Variants in FSIP1 observed in about 807,000 individuals in gnomAD.
The protein encoded by FSIP1 is fibrous sheath interacting protein 1.
FSIP1 carries 65 observed loss-of-function variants against 60.9 expected under a neutral mutation model. That is an observed-to-expected ratio of 1.07 (90% CI 0.87 to 1.31). The LOEUF is 1.31. FSIP1 is among the 40% of genes most tolerant of loss of function. The pLI is 0.00. For synonymous variants in FSIP1, 209 were observed against 221.2 expected, an observed-to-expected ratio of 0.94 and a Z score of 0.49; for missense variants, 675 against 665.5, an observed-to-expected ratio of 1.01 and a Z score of -0.16.
chr15:39,626,690 C>T (rs1891652458), intron 10 of FSIP1, among the ~76,000 whole-genome samples: 1 of 152,202 alleles, frequency 6.6e-6, no homozygotes, highest in South Asian at 2.1e-4. Flanking sequence ...TTGCCTGCTG[C>T]CATGTAAGAT....
intron 8 of FSIP1, among the ~76,000 whole-genome samples, chr15:39,729,708 T>TA (rs769749769): frequency 2.0e-5 from 3 of 152,048 alleles, no homozygotes. Flanking sequence ...TATGCAGCCA[T>TA]AAAAAAGAAT....
intron 11 of FSIP1, 48 bp from the exon 12 acceptor site, chr15:39,600,974 T>C (rs372181128): frequency 2.1e-6 from 3 of 1,456,598 alleles, no homozygotes; most frequent in Non-Finnish European, 2.8e-6. Context: ...CAGAAATGTA[T>C]GCATAATTAA....
In FSIP1 at chr15:39,735,217, T is replaced by A. The variant is rs569148857; in HGVS notation, c.891+2874A>T. Among the ~76,000 whole-genome samples the A allele has an allele frequency of 2.3e-4, 35 of 152,358 alleles. No homozygotes were observed. The South Asian group carries it at 6.6e-3, about 29-fold the overall frequency. On this transcript the variant is annotated intron_variant, in intron 8 of 11. Coordinates refer to ENST00000350221, the MANE Select transcript of FSIP1 (RefSeq NM_152597.5). ...ACAGGAATATGTGTTCTAAGAAATG[T>A]ACCATTAGGCAATTCTGTCATTGTG... is the stretch of plus-strand genomic sequence containing the variant.
At chr15:39,601,873 T>A (rs1179657818) in intron 11 of FSIP1, among the ~76,000 whole-genome samples, 1 of 149,136 alleles carries the variant, frequency 6.7e-6, no homozygotes, top group African/African-American at 2.5e-5. Context: ...GACTGGTGAT[T>A]GCCTAGGGCT....
chr15:39,613,200 T>C (rs1891097946), intron 11 of FSIP1, among the ~76,000 whole-genome samples: 1 of 152,194 alleles, frequency 6.6e-6, no homozygotes. Context: ...ACAAATACTT[T>C]TTAAAGTCTT....
intron 5 of FSIP1, among the ~76,000 whole-genome samples, chr15:39,749,931 A>T (rs1279001228): frequency 1.3e-5 from 2 of 152,006 alleles, no homozygotes; most frequent in African/African-American, 4.8e-5. Flanking sequence ...CCACCAGAAA[A>T]AAACTATTAG....
At chr15:39,688,141 G>A (rs1375355733) in intron 10 of FSIP1, among the ~76,000 whole-genome samples, 2 of 152,186 alleles carry the variant, frequency 1.3e-5, no homozygotes, top group African/African-American at 4.8e-5. Flanking sequence ...CAGACCAGTC[G>A]ATGCAATCGT....
At chr15:39,604,425 G>A (rs1890751004) in intron 11 of FSIP1, among the ~76,000 whole-genome samples, 1 of 152,194 alleles carries the variant, frequency 6.6e-6, no homozygotes, top group African/African-American at 2.4e-5. Flanking sequence ...TCTCAAGCAT[G>A]CCTTTGTTCA....
At chr15:39,777,443 A>C (rs1291883119) in intron 1 of FSIP1, among the ~76,000 whole-genome samples, 1 of 152,208 alleles carries the variant, frequency 6.6e-6, no homozygotes, top group Non-Finnish European at 1.5e-5. Context: ...GATTTTCATT[A>C]TCTGGCTACA....
chr15:39,736,231 T>C (rs902475238), intron 8 of FSIP1, among the ~76,000 whole-genome samples: 1 of 152,228 alleles, frequency 6.6e-6, no homozygotes, highest in African/African-American at 2.4e-5. Flanking sequence ...CTCAGAATTA[T>C]GTGGGCATTT....
chr15:39,694,215 C>A (rs926312296), intron 10 of FSIP1, among the ~76,000 whole-genome samples: 1 of 151,694 alleles, frequency 6.6e-6, no homozygotes, highest in Admixed American at 6.6e-5. Flanking sequence ...AGTATGTAAC[C>A]ATCATAGCCA....
At chr15:39,685,581 C>G (rs1056376289) in intron 10 of FSIP1, among the ~76,000 whole-genome samples, 2 of 152,052 alleles carry the variant, frequency 1.3e-5, no homozygotes, top group African/African-American at 4.8e-5. Context: ...AACCTCAATA[C>G]AAGTATATGT....
intron 10 of FSIP1, among the ~76,000 whole-genome samples, chr15:39,673,776 C>A (rs1205383237): frequency 2.0e-5 from 3 of 152,080 alleles, no homozygotes; most frequent in Non-Finnish European, 4.4e-5. Flanking sequence ...AAATTTACAC[C>A]TATCAAGTGT....
chr15:39,732,731 C>CA (rs1896457766), intron 8 of FSIP1, among the ~76,000 whole-genome samples: 1 of 151,742 alleles, frequency 6.6e-6, no homozygotes, highest in Non-Finnish European at 1.5e-5. Context: ...ATTTAGTCTT[C>CA]TTTAAGCTGT....
At chr15:39,766,416 A>G (rs979983391) in intron 3 of FSIP1, among the ~76,000 whole-genome samples, 5 of 152,256 alleles carry the variant, frequency 3.3e-5, no homozygotes, top group African/African-American at 1.2e-4. Context: ...GTTACCTGAT[A>G]GGCACAGTTT....
intron 3 of FSIP1, among the ~76,000 whole-genome samples, chr15:39,767,222 G>T (rs1019821390): frequency 2.6e-5 from 4 of 152,094 alleles, no homozygotes; most frequent in Non-Finnish European, 4.4e-5. Context: ...TAATAAGGAG[G>T]TTCCTTGAAT....
intron 10 of FSIP1, among the ~76,000 whole-genome samples, chr15:39,627,396 G>C (rs1891686461): frequency 6.6e-6 from 1 of 152,218 alleles, no homozygotes; most frequent in Admixed American, 6.5e-5. Context: ...TGAGGTGTGA[G>C]TTGCTAATAA....
intron 6 of FSIP1, among the ~76,000 whole-genome samples, chr15:39,740,363 C>T (rs899527229): frequency 1.3e-5 from 2 of 152,140 alleles, no homozygotes; most frequent in African/African-American, 4.8e-5. Flanking sequence ...AGGCTTGAGT[C>T]AATGTCTGAG....
chr15:39,735,691 A>G (rs540464213), intron 8 of FSIP1, among the ~76,000 whole-genome samples: 1 of 152,278 alleles, frequency 6.6e-6, no homozygotes, highest in African/African-American at 2.4e-5. Context: ...TTACTTTTAA[A>G]ACTTTTAAAT....
Sources: allele counts gnomAD v4.1 joint callset (sites outside exome capture counted in the v4.1 genomes callset), GRCh38; gene constraint gnomAD v4.1.1; transcripts MANE v1.5; gene names NCBI Gene and HGNC (gene_info 2026-07-23, HGNC 2026-07-21).